Variants in COL4A6 observed in about 807,000 individuals in gnomAD.
COL4A6 encodes collagen alpha-6(IV) chain.
A neutral mutation model predicts 126.7 loss-of-function variants in COL4A6; 59 were observed. The ratio of observed to expected loss-of-function variants is 0.47; its 90% CI spans 0.38 to 0.58. COL4A6 has a LOEUF of 0.58. Ranked by LOEUF, COL4A6 falls within the 20% of genes least tolerant of loss-of-function variation. The probability of loss-of-function intolerance (pLI) is 0.00; values close to 1 mark genes in which losing one functional copy is unlikely to be tolerated. For synonymous variants in COL4A6, 547 were observed against 496.6 expected (o/e 1.10, Z -1.35); for missense variants, 1,285 against 1,337.3 (o/e 0.96, Z 0.61).
intron 2 of COL4A6, among the ~76,000 whole-genome samples, chrX:108,356,794 T>C (rs951042028): frequency 9.0e-6 from 1 of 111,420 alleles, no homozygotes; most frequent in Non-Finnish European, 1.9e-5. Context: ...CAACAAGTCA[T>C]CAATACAGAC....
At chrX:108,410,459 T>C (rs749225878) in intron 2 of COL4A6, among the ~76,000 whole-genome samples, 1 of 111,177 alleles carries the variant, frequency 9.0e-6, no homozygotes, top group Non-Finnish European at 1.9e-5. Flanking sequence ...GCCTTTACCA[T>C]GTTTTCCAGG....
At chrX:108,386,452 G>A (rs188888036) in intron 2 of COL4A6, among the ~76,000 whole-genome samples, 1 of 112,131 alleles carries the variant, frequency 8.9e-6, no homozygotes, top group East Asian at 2.8e-4. Context: ...GTTTTGATTT[G>A]CCTTTCTCTA....
chrX:108,328,244 T>A (rs756911203), intron 2 of COL4A6, among the ~76,000 whole-genome samples: 1 of 111,252 alleles, frequency 9.0e-6, no homozygotes, highest in African/African-American at 3.3e-5. Flanking sequence ...GTAATAGATA[T>A]CAACAGCTGC....
intron 3 of COL4A6, among the ~76,000 whole-genome samples, chrX:108,288,604 T>C (rs1189343392): frequency 9.0e-6 from 1 of 111,477 alleles, no homozygotes; most frequent in African/African-American, 3.3e-5. Flanking sequence ...GAATAGTTCA[T>C]GAATTTGGCT....
At chrX:108,431,644 G>T (rs1357023046) in intron 2 of COL4A6, among the ~76,000 whole-genome samples, 2 of 111,421 alleles carry the variant, frequency 1.8e-5, no homozygotes, top group Admixed American at 9.6e-5. Flanking sequence ...AGGTTCAATT[G>T]GACTGGATTA....
At chrX:108,193,525 G>A (rs1024218132) in intron 17 of COL4A6, 103 bp downstream of exon 17, 3 of 692,753 alleles carry the variant, frequency 4.3e-6, no homozygotes, top group Non-Finnish European at 4.4e-6. Context: ...GTCAAGTTTA[G>A]CAACAATCGA....
At chrX:108,199,298 T>C (rs918448998) in intron 13 of COL4A6, among the ~76,000 whole-genome samples, 2 of 111,176 alleles carry the variant, frequency 1.8e-5, no homozygotes, top group African/African-American at 6.6e-5. Flanking sequence ...GAGAAGCACA[T>C]TTCCTCTGAA....
At chrX:108,317,427 A>G (rs138193266) in intron 2 of COL4A6, among the ~76,000 whole-genome samples, 7 of 112,410 alleles carry the variant, frequency 6.2e-5, no homozygotes, top group African/African-American at 1.3e-4. Context: ...TGCCTTAGTC[A>G]GTATAGACTT....
At chrX:108,237,876 A>G (rs894882229) in intron 3 of COL4A6, among the ~76,000 whole-genome samples, 34 of 104,160 alleles carry the variant, frequency 3.3e-4, no homozygotes, top group African/African-American at 1.1e-3. Context: ...CTATCTATCT[A>G]TCTATCTATC....
At chrX:108,408,335 G>GAGAAAGAAAGAAAGAA (rs60742058) in intron 2 of COL4A6, among the ~76,000 whole-genome samples, 37 of 100,853 alleles carry the variant, frequency 3.7e-4, no homozygotes, top group African/African-American at 1.0e-3. Flanking sequence ...AAAAGAAAGA[G>GAGAAAGAAAGAAAGAA]AGAAAGAAAG....
At chrX:108,343,126 T>A (rs2039607839) in intron 2 of COL4A6, among the ~76,000 whole-genome samples, 1 of 88,594 alleles carries the variant, frequency 1.1e-5, no homozygotes, top group South Asian at 6.2e-4. Context: ...ATGAAAAAGA[T>A]TAATGGGAAT....
chrX:108,375,462 G>A lies in COL4A6; in HGVS notation c.63+62480C>T, dbSNP rs149955850. On this transcript the variant is annotated intron_variant, in intron 2 of 44. Coordinates refer to ENST00000334504, the MANE Select transcript of COL4A6 (RefSeq NM_033641.4). ...ATGAGAGTTTGGAAACATGATGCTG[G>A]GATTCTTGGAAAATGCTACCAACCT... Among the ~76,000 whole-genome samples the A allele has an allele frequency of 8.7e-3, 967 of 110,888 alleles. 4 individuals are homozygous for A. The highest frequency in any genetic ancestry group is 0.011 in the Non-Finnish European group (602 of 52,886).
At chrX:108,262,587 C>A (rs2037193827) in intron 3 of COL4A6, among the ~76,000 whole-genome samples, 1 of 111,499 alleles carries the variant, frequency 9.0e-6, no homozygotes, top group Admixed American at 9.5e-5. Context: ...TGAACTCTAC[C>A]AGTCTCACCA....
chrX:108,401,249 G>A (rs1329619828), intron 2 of COL4A6, among the ~76,000 whole-genome samples: 1 of 110,794 alleles, frequency 9.0e-6, no homozygotes, highest in Non-Finnish European at 1.9e-5. Flanking sequence ...GTGTAGTTAT[G>A]TTCCCTAAGG....
At chrX:108,297,970 CCACACA>C (rs755481604) in intron 3 of COL4A6, among the ~76,000 whole-genome samples, 9 of 105,403 alleles carry the variant, frequency 8.5e-5, no homozygotes, top group African/African-American at 3.1e-4. Flanking sequence ...AGTACACACA[CCACACA>C]CACACACACA....
At chrX:108,327,624 G>C (rs955089032) in intron 2 of COL4A6, among the ~76,000 whole-genome samples, 1 of 110,008 alleles carries the variant, frequency 9.1e-6, no homozygotes, top group Admixed American at 9.7e-5. Context: ...AAACAGATTT[G>C]TTATTGTCCA....
At chrX:108,424,784 A>T (rs2064043535) in intron 2 of COL4A6, among the ~76,000 whole-genome samples, 1 of 111,791 alleles carries the variant, frequency 8.9e-6, no homozygotes, top group African/African-American at 3.3e-5. Flanking sequence ...TAGGAGGCCA[A>T]GGTGGGCAGA....
At chrX:108,343,019 T>C (rs2039604244) in intron 2 of COL4A6, among the ~76,000 whole-genome samples, 1 of 107,634 alleles carries the variant, frequency 9.3e-6, no homozygotes, top group African/African-American at 3.4e-5. Context: ...TACTAAGCAG[T>C]ACTTTTTTTA....
In COL4A6 at chrX:108,229,245, C is replaced by A. The variant is rs1249101516; in HGVS notation, c.145-7871G>T. Among the ~76,000 whole-genome samples, 3 of 111,967 alleles carry A rather than the reference C, an allele frequency of 2.7e-5. No homozygotes were observed. In the Admixed American group the frequency reaches 2.8e-4, roughly 11 times the overall value. On this transcript the variant is annotated intron_variant, in intron 3 of 44. Coordinates refer to ENST00000334504, the MANE Select transcript of COL4A6 (RefSeq NM_033641.4). ...TGAGATGATATGCTAGCTAAGTGTA[C>A]AGGGTTCAGAGTTCAGAAGTCTAGG...
Sources: allele counts gnomAD v4.1 joint callset (sites outside exome capture counted in the v4.1 genomes callset), GRCh38; gene constraint gnomAD v4.1.1; transcripts MANE v1.5; gene names NCBI Gene and HGNC (gene_info 2026-07-23, HGNC 2026-07-21).